SDK1: variants seen among roughly 807,000 people sequenced by gnomAD.
SDK1 encodes the protein protein sidekick-1.
SDK1 carries 157 observed loss-of-function variants against 245.5 expected under a neutral mutation model. The ratio of observed to expected loss-of-function variants is 0.64; its 90% CI spans 0.56 to 0.73. The LOEUF is 0.73. SDK1 is among the 30% of genes least tolerant of loss of function. The pLI is 0.00. For missense variants in SDK1, 3,583 were observed against 3,002.3 expected, an observed-to-expected ratio of 1.19 and a Z score of -4.52; for synonymous variants, 1,647 against 1,278.5, an observed-to-expected ratio of 1.29 and a Z score of -6.15.
At chr7:3,955,271 A>G (rs1781169441) in intron 7 of SDK1, among the ~76,000 whole-genome samples, 1 of 152,164 alleles carries the variant, frequency 6.6e-6, no homozygotes, top group Non-Finnish European at 1.5e-5. Context: ...CTCAGGTTCC[A>G]GAGTCCCCTG....
chr7:3,944,625 T>C (rs1213238595), intron 5 of SDK1, among the ~76,000 whole-genome samples: 2 of 152,214 alleles, frequency 1.3e-5, no homozygotes, highest in African/African-American at 4.8e-5. Flanking sequence ...CTTCTAAAAA[T>C]TGAACTTGGA....
At chr7:3,819,254 G>T in intron 4 of SDK1, among the ~76,000 whole-genome samples, 2 of 150,654 alleles carry the variant, frequency 1.3e-5, no homozygotes, top group Non-Finnish European at 1.5e-5. Context: ...ATGAATTTTG[G>T]CTTAAACCTT....
At chr7:3,765,376 C>G (rs1369937694) in intron 4 of SDK1, among the ~76,000 whole-genome samples, 6 of 152,110 alleles carry the variant, frequency 3.9e-5, no homozygotes, top group African/African-American at 7.2e-5. Flanking sequence ...CCACCTTGCC[C>G]CTAAAGGTGA....
intron 1 of SDK1, among the ~76,000 whole-genome samples, chr7:3,438,718 T>A (rs1780101952): frequency 6.6e-6 from 1 of 152,186 alleles, no homozygotes; most frequent in East Asian, 1.9e-4. Context: ...CTCAGTAAAC[T>A]CTTAATCTTT....
intron 4 of SDK1, among the ~76,000 whole-genome samples, chr7:3,806,826 T>C (rs1779261779): frequency 6.6e-6 from 1 of 152,118 alleles, no homozygotes; most frequent in African/African-American, 2.4e-5. Flanking sequence ...CTGCCCCTTT[T>C]TCTATTTTTA....
chr7:4,070,834 C>A (rs1173342988), intron 20 of SDK1, among the ~76,000 whole-genome samples: 2 of 151,942 alleles, frequency 1.3e-5, no homozygotes, highest in Admixed American at 1.3e-4. Flanking sequence ...CTCAGCCTCC[C>A]GAGTAGTTGG....
intron 1 of SDK1, among the ~76,000 whole-genome samples, chr7:3,464,349 C>G (rs544372886): frequency 6.6e-6 from 1 of 152,200 alleles, no homozygotes; most frequent in South Asian, 2.1e-4. Context: ...CATAGCAAGA[C>G]CCCATCTTTA....
At chr7:3,481,448 C>G (rs1438742924) in intron 1 of SDK1, among the ~76,000 whole-genome samples, 1 of 152,184 alleles carries the variant, frequency 6.6e-6, no homozygotes, top group East Asian at 1.9e-4. Flanking sequence ...TAGATATGCC[C>G]TCTACACGCT....
chr7:3,401,828 A>T (rs149502584), intron 1 of SDK1, among the ~76,000 whole-genome samples: 551 of 152,286 alleles, frequency 3.6e-3, no homozygotes, highest in Non-Finnish European at 5.0e-3. Flanking sequence ...AATGAGCACA[A>T]ATGGCATTTG....
At chr7:3,672,126 C>T (rs753815684) in intron 4 of SDK1, among the ~76,000 whole-genome samples, 4 of 152,040 alleles carry the variant, frequency 2.6e-5, no homozygotes, top group Non-Finnish European at 4.4e-5. Context: ...TGAGGAGTGG[C>T]GGGTCATGGT....
At chr7:3,835,379 G>A (rs1170859416) in intron 5 of SDK1, among the ~76,000 whole-genome samples, 1 of 152,142 alleles carries the variant, frequency 6.6e-6, no homozygotes, top group Non-Finnish European at 1.5e-5. Flanking sequence ...TAATCATGCT[G>A]CTTCTGGATA....
chr7:4,033,372 C>G (rs976158239), intron 17 of SDK1, among the ~76,000 whole-genome samples: 6 of 152,138 alleles, frequency 3.9e-5, no homozygotes, highest in Non-Finnish European at 8.8e-5. Flanking sequence ...GAATAAAACA[C>G]TAGTTTTAGT....
intron 5 of SDK1, among the ~76,000 whole-genome samples, chr7:3,869,221 TCTCGGCCCA>T (rs1456074348): frequency 1.4e-5 from 2 of 145,286 alleles, no homozygotes; most frequent in Non-Finnish European, 3.0e-5. Flanking sequence ...AGTGATGCAA[TCTCGGCCCA>T]CTGCAATCTC....
At chr7:4,193,157 ATATATTAAAATATTTATATATTG>A in intron 35 of SDK1, among the ~76,000 whole-genome samples, 1 of 130,218 alleles carries the variant, frequency 7.7e-6, no homozygotes, top group Non-Finnish European at 1.6e-5. Flanking sequence ...TTTATATAAT[ATATATTAAAATATTTATATATTG>A]TATAAATATA....
At chr7:4,107,040 A>G (rs1355687677) in intron 22 of SDK1, among the ~76,000 whole-genome samples, 2 of 151,298 alleles carry the variant, frequency 1.3e-5, no homozygotes, top group Non-Finnish European at 2.9e-5. Flanking sequence ...CTCTAGGCAG[A>G]GCCCCCGCCC....
chr7:3,636,031 A>T (rs188687353), intron 2 of SDK1, among the ~76,000 whole-genome samples: 1 of 152,176 alleles, frequency 6.6e-6, no homozygotes. Flanking sequence ...TTCAACTGCA[A>T]TGTGCATATA....
chr7:3,406,447 G>A (rs1225937890), intron 1 of SDK1, among the ~76,000 whole-genome samples: 2 of 152,108 alleles, frequency 1.3e-5, no homozygotes, highest in Non-Finnish European at 1.5e-5. Flanking sequence ...CCAATGGACT[G>A]GCTTGGCATA....
chr7:3,817,787 A>G (rs1439001519), intron 4 of SDK1, among the ~76,000 whole-genome samples: 1 of 152,174 alleles, frequency 6.6e-6, no homozygotes, highest in African/African-American at 2.4e-5. Context: ...ATCTTTTCTG[A>G]AATAGAGAAC....
At chr7:3,858,155 T>A (rs1780591844) in intron 5 of SDK1, among the ~76,000 whole-genome samples, 1 of 152,162 alleles carries the variant, frequency 6.6e-6, no homozygotes, top group Non-Finnish European at 1.5e-5. Context: ...TGAGGTAAAT[T>A]TGTACATATG....
Sources: allele counts gnomAD v4.1 joint callset (sites outside exome capture counted in the v4.1 genomes callset), GRCh38; gene constraint gnomAD v4.1.1; transcripts MANE v1.5; gene names NCBI Gene and HGNC (gene_info 2026-07-23, HGNC 2026-07-21).